The following CAMTA1 variants were observed in gnomAD, a reference collection of about 807,000 sequenced individuals.
CAMTA1 encodes calmodulin binding transcription activator 1.
Under a neutral mutation model 170.9 loss-of-function variants are expected in CAMTA1, and 27 were observed. The ratio of observed to expected loss-of-function variants is 0.16; its 90% CI spans 0.12 to 0.22. The LOEUF is 0.22. CAMTA1 is among the 10% of genes least tolerant of loss of function. The probability of loss-of-function intolerance (pLI) is 1.00; values close to 1 mark genes in which losing one functional copy is unlikely to be tolerated. For missense variants in CAMTA1, 1,619 were observed against 2,217.2 expected, an observed-to-expected ratio of 0.73 and a Z score of 5.42; for synonymous variants, 833 against 891.5, an observed-to-expected ratio of 0.93 and a Z score of 1.17.
At chr1:7,691,026 G>A (rs1576909563) in intron 11 of CAMTA1, among the ~76,000 whole-genome samples, 1 of 152,218 alleles carries the variant, frequency 6.6e-6, no homozygotes, top group Non-Finnish European at 1.5e-5. Context: ...AGGACCTGCA[G>A]TCAACGAGCT....
At chr1:7,023,678 CAA>C (rs965341283) in intron 3 of CAMTA1, among the ~76,000 whole-genome samples, 2 of 151,912 alleles carry the variant, frequency 1.3e-5, no homozygotes, top group African/African-American at 4.8e-5. Context: ...AACAAGATGC[CAA>C]AACCCTTCTA....
At chr1:7,322,112 C>A (rs532480955) in intron 5 of CAMTA1, among the ~76,000 whole-genome samples, 1 of 152,290 alleles carries the variant, frequency 6.6e-6, no homozygotes, top group South Asian at 2.1e-4. Flanking sequence ...ATGTCCCTAT[C>A]CCCTGTGTGG....
At chr1:7,183,583 G>A (rs974126271) in intron 4 of CAMTA1, among the ~76,000 whole-genome samples, 4 of 152,306 alleles carry the variant, frequency 2.6e-5, no homozygotes, top group Admixed American at 1.3e-4. Flanking sequence ...CAGTGGGGTG[G>A]TTGAATAAGT....
chr1:6,931,846 A>G (rs1470659572), intron 3 of CAMTA1, among the ~76,000 whole-genome samples: 1 of 152,164 alleles, frequency 6.6e-6, no homozygotes, highest in African/African-American at 2.4e-5. Flanking sequence ...GAATGAATGA[A>G]TGAGGAGAGG....
At chr1:7,105,062 A>G (rs1161129481) in intron 4 of CAMTA1, among the ~76,000 whole-genome samples, 1 of 152,156 alleles carries the variant, frequency 6.6e-6, no homozygotes, top group African/African-American at 2.4e-5. Context: ...TCTGGTGCTT[A>G]ATTTCTTTAC....
intron 19 of CAMTA1, among the ~76,000 whole-genome samples, chr1:7,750,131 G>A (rs947979257): frequency 1.3e-5 from 2 of 152,174 alleles, no homozygotes; most frequent in African/African-American, 4.8e-5. Flanking sequence ...AGGTGGAGAC[G>A]ATGGAAACCA....
intron 5 of CAMTA1, among the ~76,000 whole-genome samples, chr1:7,438,455 G>A (rs1012376577): frequency 6.6e-6 from 1 of 152,202 alleles, no homozygotes; most frequent in Non-Finnish European, 1.5e-5. Flanking sequence ...GGGCAACCAT[G>A]GCTGGAGAGA....
At chr1:6,837,137 T>A (rs1449648021) in intron 3 of CAMTA1, among the ~76,000 whole-genome samples, 1 of 152,048 alleles carries the variant, frequency 6.6e-6, no homozygotes, top group East Asian at 1.9e-4. Flanking sequence ...TGTATTTTTT[T>A]AGTAGAGATG....
At chr1:6,814,542 AAC>A (rs1407983171) in intron 1 of CAMTA1, among the ~76,000 whole-genome samples, 1 of 152,172 alleles carries the variant, frequency 6.6e-6, no homozygotes, top group African/African-American at 2.4e-5. Flanking sequence ...CTGCTGTGAG[AAC>A]AGTCTGCCCA....
chr1:7,594,225 G>A (rs904631379), intron 6 of CAMTA1, among the ~76,000 whole-genome samples: 3 of 150,442 alleles, frequency 2.0e-5, no homozygotes, highest in African/African-American at 7.5e-5. Flanking sequence ...AAGGAAGGAA[G>A]GAAGGAAGGA....
At chr1:7,126,346 C>T (rs561367787) in intron 4 of CAMTA1, among the ~76,000 whole-genome samples, 1 of 152,162 alleles carries the variant, frequency 6.6e-6, no homozygotes, top group Non-Finnish European at 1.5e-5. Context: ...CCTTCTACCC[C>T]CTCCCTAATT....
chr1:7,057,310 G>A (rs1178639716), intron 3 of CAMTA1, among the ~76,000 whole-genome samples: 1 of 152,228 alleles, frequency 6.6e-6, no homozygotes, highest in Non-Finnish European at 1.5e-5. Context: ...CACAGGAGCA[G>A]CCCTGGGATG....
At chr1:7,670,138 A>G (rs962227400) in intron 9 of CAMTA1, among the ~76,000 whole-genome samples, 3 of 152,148 alleles carry the variant, frequency 2.0e-5, no homozygotes, top group African/African-American at 4.8e-5. Flanking sequence ...GCCAGGCTGC[A>G]TGGTCACTGC....
chr1:7,425,337 C>T lies in CAMTA1; in HGVS notation c.439-42493C>T, dbSNP rs548521750. 4.1e-4 allele frequency among the ~76,000 whole-genome samples: 62 copies of T among 152,180 alleles called. 1 individual carries two copies. In the South Asian group the frequency reaches 0.012, roughly 30 times the overall value. ...GGCCGCACAGTTCCCTGGGGGCCAG[C>T]GGGGCTCTTGGCATTATGGTCTGGG... On this transcript the variant is annotated intron_variant, in intron 5 of 22. Transcript: ENST00000303635.
chr1:7,190,693 A>C (rs1490530520), intron 4 of CAMTA1, among the ~76,000 whole-genome samples: 1 of 152,230 alleles, frequency 6.6e-6, no homozygotes, highest in Non-Finnish European at 1.5e-5. Flanking sequence ...TAGTAAGCCC[A>C]GCCTGCAAGT....
chr1:7,411,139 C>T (rs1442138945), intron 5 of CAMTA1, among the ~76,000 whole-genome samples: 1 of 151,956 alleles, frequency 6.6e-6, no homozygotes, highest in East Asian at 1.9e-4. Flanking sequence ...CTCTGTTCCT[C>T]TGGATAAGGA....
intron 4 of CAMTA1, among the ~76,000 whole-genome samples, chr1:7,213,718 A>G (rs1659208144): frequency 6.6e-6 from 1 of 151,940 alleles, no homozygotes; most frequent in Non-Finnish European, 1.5e-5. Context: ...TTAACTCATC[A>G]TTTAACATGA....
At chr1:7,460,317 G>A (rs991026823) in intron 5 of CAMTA1, among the ~76,000 whole-genome samples, 1 of 152,200 alleles carries the variant, frequency 6.6e-6, no homozygotes, top group Non-Finnish European at 1.5e-5. Context: ...GAATGAAAAG[G>A]GGACACTTCA....
At chr1:7,304,907 A>G (rs1056251729) in intron 5 of CAMTA1, among the ~76,000 whole-genome samples, 3 of 152,020 alleles carry the variant, frequency 2.0e-5, no homozygotes, top group Non-Finnish European at 4.4e-5. Flanking sequence ...TCTAAAATGT[A>G]TGACATAGAG....
Sources: allele counts gnomAD v4.1 joint callset (sites outside exome capture counted in the v4.1 genomes callset), GRCh38; gene constraint gnomAD v4.1.1; transcripts MANE v1.5; gene names NCBI Gene and HGNC (gene_info 2026-07-23, HGNC 2026-07-21).